Variants in RYR2 observed in about 807,000 individuals in gnomAD.
RYR2 encodes the protein ryanodine receptor 2.
Under a neutral mutation model 601.1 loss-of-function variants are expected in RYR2, and 227 were observed. The observed-to-expected ratio is 0.38, with a 90% confidence interval of 0.34 to 0.42. The LOEUF (loss-of-function observed/expected upper bound fraction) is 0.42, where lower values mean the gene tolerates loss of function less well. RYR2 is among the 10% of genes least tolerant of loss of function. The pLI is 1.00. For synonymous variants in RYR2, 2,223 were observed against 2,175.1 expected (o/e 1.02, Z -0.61); for missense variants, 4,646 against 6,156.5 (o/e 0.75, Z 8.21).
intron 4 of RYR2, among the ~76,000 whole-genome samples, chr1:237,358,762 A>C (rs1366300217): frequency 6.6e-6 from 1 of 152,016 alleles, no homozygotes; most frequent in Non-Finnish European, 1.5e-5. Flanking sequence ...ATCTCCAGGC[A>C]TAGTAAGACA....
chr1:237,239,199 C>G (rs1685896225), intron 1 of RYR2, among the ~76,000 whole-genome samples: 2 of 152,108 alleles, frequency 1.3e-5, no homozygotes, highest in South Asian at 4.1e-4. Flanking sequence ...AGTGCCCAGG[C>G]TTTTGAAGCA....
chr1:237,748,751 A>T (rs1385941821), intron 80 of RYR2, among the ~76,000 whole-genome samples: 1 of 152,192 alleles, frequency 6.6e-6, no homozygotes, highest in Non-Finnish European at 1.5e-5. Flanking sequence ...GTCTGTATAG[A>T]AGACATGCAG....
chr1:237,044,531 T>G (rs1481909451), intron 1 of RYR2, among the ~76,000 whole-genome samples: 2 of 152,262 alleles, frequency 1.3e-5, no homozygotes, highest in East Asian at 3.9e-4. Flanking sequence ...AAGTGGGTCC[T>G]GGGTAGAGAT....
chr1:237,240,633 G>T (rs1257941195), intron 1 of RYR2, among the ~76,000 whole-genome samples: 2 of 92,134 alleles, frequency 2.2e-5, no homozygotes, highest in Non-Finnish European at 4.2e-5. Context: ...AATATAATAA[G>T]TCAAGTGTTG....
chr1:237,500,798 C>CT lies in RYR2; in HGVS notation c.2291_2292insT (p.Ser765LysfsTer7). ...AGTTGCTGTTTAGATCTGAGTGCCC[C>CT]AAGCATCTCGTTCCGAATTAATGGA... On this transcript the variant is annotated frameshift_variant, in exon 21 of 105. Transcript: ENST00000366574. LOFTEE classifies it high-confidence loss of function. 6.2e-7 allele frequency: 1 copy of CT among 1,614,002 alleles called. No homozygotes were observed. Among genetic ancestry groups the CT allele is most frequent in the Non-Finnish European group, 8.5e-7 (1 of 1,179,898 alleles).
intron 1 of RYR2, among the ~76,000 whole-genome samples, chr1:237,213,909 C>CTTCTTCTTTTTTTTTTTTTTTTT (rs1682868241): frequency 9.3e-6 from 1 of 107,362 alleles, no homozygotes; most frequent in African/African-American, 3.4e-5. Flanking sequence ...CTTTTTTTTT[C>CTTCTTCTTTTTTTTTTTTTTTTT]TTTTTCTTTT....
intron 1 of RYR2, among the ~76,000 whole-genome samples, chr1:237,148,938 A>G (rs1479875820): frequency 2.0e-5 from 3 of 151,910 alleles, no homozygotes; most frequent in African/African-American, 7.3e-5. Flanking sequence ...CCAGCCCCCT[A>G]CCCCAAATTT....
chr1:237,415,184 A>G (rs1445649068), intron 10 of RYR2, among the ~76,000 whole-genome samples: 2 of 152,156 alleles, frequency 1.3e-5, no homozygotes, highest in Non-Finnish European at 2.9e-5. Context: ...TTGGCTTCCC[A>G]TTGCAACCAG....
chr1:237,346,863 T>C (rs1698355988), intron 3 of RYR2, among the ~76,000 whole-genome samples: 1 of 152,196 alleles, frequency 6.6e-6, no homozygotes, highest in Admixed American at 6.5e-5. Context: ...AGAGATGCTT[T>C]TCTTTTTATT....
intron 1 of RYR2, among the ~76,000 whole-genome samples, chr1:237,095,499 G>A (rs16834810): frequency 0.03 from 4,622 of 152,270 alleles, 89 homozygotes; most frequent in East Asian, 0.083. Flanking sequence ...CAAAGCCAAA[G>A]GGTTATTTAT....
chr1:237,370,785 T>C (rs1305982084), intron 6 of RYR2, among the ~76,000 whole-genome samples: 2 of 151,348 alleles, frequency 1.3e-5, no homozygotes, highest in Admixed American at 6.6e-5. Flanking sequence ...CTCAGCCTCC[T>C]GAGTAGCTGG....
At chr1:237,121,580 G>A (rs1259809761) in intron 1 of RYR2, among the ~76,000 whole-genome samples, 7 of 152,134 alleles carry the variant, frequency 4.6e-5, no homozygotes, top group Admixed American at 4.6e-4. Flanking sequence ...GACATTGCTG[G>A]ACCATTGTCA....
At chr1:237,520,059 T>G (rs1241838254) in intron 24 of RYR2, among the ~76,000 whole-genome samples, 1 of 152,196 alleles carries the variant, frequency 6.6e-6, no homozygotes, top group Non-Finnish European at 1.5e-5. Flanking sequence ...TTTTAATTTT[T>G]ATGTGGATAT....
At chr1:237,470,204 A>G (rs1004283833) in intron 17 of RYR2, among the ~76,000 whole-genome samples, 2 of 152,220 alleles carry the variant, frequency 1.3e-5, no homozygotes, top group Non-Finnish European at 2.9e-5. Flanking sequence ...CGGATCTACC[A>G]TACCATCTGG....
chr1:237,352,810 A>G (rs1698969681), intron 3 of RYR2: 1 of 501,026 alleles, frequency 2.0e-6, no homozygotes, highest in Non-Finnish European at 4.0e-6. Context: ...GTGACAATGC[A>G]GTGCTAATGG....
intron 25 of RYR2, among the ~76,000 whole-genome samples, chr1:237,541,830 A>T (rs757736614): frequency 5.9e-5 from 9 of 152,094 alleles, no homozygotes; most frequent in African/African-American, 1.7e-4. Context: ...CAGGAAAAGG[A>T]CTTTCACAAG....
intron 1 of RYR2, among the ~76,000 whole-genome samples, chr1:237,174,187 G>A (rs1377219018): frequency 6.6e-6 from 1 of 152,150 alleles, no homozygotes; most frequent in Admixed American, 6.5e-5. Flanking sequence ...ATTCAATCTA[G>A]TTTAATATTT....
intron 1 of RYR2, among the ~76,000 whole-genome samples, chr1:237,140,983 C>A (rs1358012302): frequency 6.6e-6 from 1 of 152,134 alleles, no homozygotes; most frequent in Non-Finnish European, 1.5e-5. Flanking sequence ...TATGTATTGT[C>A]CTGTTTAAGG....
chr1:237,086,440 T>C (rs548811382), intron 1 of RYR2, among the ~76,000 whole-genome samples: 5 of 152,290 alleles, frequency 3.3e-5, no homozygotes, highest in South Asian at 2.1e-4. Flanking sequence ...ATACGAATTT[T>C]GTAGGAGGAG....
Sources: allele counts gnomAD v4.1 joint callset (sites outside exome capture counted in the v4.1 genomes callset), GRCh38; gene constraint gnomAD v4.1.1; transcripts MANE v1.5; gene names NCBI Gene and HGNC (gene_info 2026-07-23, HGNC 2026-07-21).